Variants in EDEM3 observed in about 807,000 individuals in gnomAD.
The protein encoded by EDEM3 is ER degradation-enhancing alpha-mannosidase-like protein 3.
EDEM3 carries 60 observed loss-of-function variants against 110.2 expected under a neutral mutation model. The ratio of observed to expected loss-of-function variants is 0.54; its 90% CI spans 0.44 to 0.67. The LOEUF is 0.67. Among genes scored for constraint, EDEM3 ranks in the 30% least tolerant of loss-of-function variants. EDEM3 has a pLI of 0.00. For synonymous variants in EDEM3, 352 were observed against 382.9 expected (o/e 0.92, Z 0.94); for missense variants, 996 against 1,121.0 (o/e 0.89, Z 1.59).
chr1:184,746,434 A>C lies in EDEM3; in HGVS notation c.204+3113T>G, dbSNP rs551973230. On this transcript the variant is annotated intron_variant, in intron 2 of 19. Coordinates refer to ENST00000318130, the MANE Select transcript of EDEM3 (RefSeq NM_025191.4). ...GGCAATTTCAATTTAGGCAGGAAAT[A>C]AATAATAATGATAGTAGTAGTCGTT... 2.6e-5 allele frequency among the ~76,000 whole-genome samples: 4 copies of C among 152,236 alleles called. No homozygotes were observed. The South Asian group carries it at 8.3e-4, about 31-fold the overall frequency.
At chr1:184,726,498 A>C (rs1001187928) in intron 6 of EDEM3, 109 bp from the exon 7 acceptor site, 5 of 1,204,074 alleles carry the variant, frequency 4.2e-6, no homozygotes, top group Non-Finnish European at 5.7e-6. Context: ...ATAATTCATA[A>C]AATAACTAAA....
chr1:184,723,065 G>T (rs1430557179), intron 8 of EDEM3, among the ~76,000 whole-genome samples: 1 of 151,986 alleles, frequency 6.6e-6, no homozygotes, highest in Non-Finnish European at 1.5e-5. Context: ...ATAATTGCAT[G>T]GGAACATCTT....
At position 184,726,302 on chromosome 1, in the gene EDEM3, G is replaced by C. The variant is rs917945729; in HGVS notation, c.700C>G (p.Leu234Val). The change falls in exon 7 of 20, where the codon CTT becomes GTT. Residue 234 changes from leucine (L) to valine (V), a missense_variant. This residue lies in a region of EDEM3 where 310 missense variants were observed against 394.6 expected (regional missense o/e 0.79). Coordinates refer to ENST00000318130, the MANE Select transcript of EDEM3 (RefSeq NM_025191.4). ...AATCGACTTAAAGCAGCAAATTCAA[G>C]GATCAAGGTACCTGCACAAGCTGTA... is the stretch of plus-strand genomic sequence containing the variant. ...TCTACAGTLI[L>V]EFAALSRFTG... 2 of 1,613,724 alleles carry C rather than the reference G, an allele frequency of 1.2e-6. No individual in the cohort carries two copies. The highest frequency in any genetic ancestry group is 1.7e-6 in the Non-Finnish European group (2 of 1,179,824).
chr1:184,709,271 A>C (rs1204907569), intron 16 of EDEM3, among the ~76,000 whole-genome samples: 1 of 152,222 alleles, frequency 6.6e-6, no homozygotes, highest in Non-Finnish European at 1.5e-5. Context: ...TGAGAGGTAG[A>C]TGAAAGTTGA....
intron 1 of EDEM3, among the ~76,000 whole-genome samples, chr1:184,751,050 G>A (rs557929225): frequency 5.6e-5 from 8 of 143,254 alleles, no homozygotes; most frequent in African/African-American, 1.7e-4. Context: ...ACTTGTGAAC[G>A]AATTAAGTCC....
intron 18 of EDEM3, among the ~76,000 whole-genome samples, chr1:184,704,979 G>A (rs1649837510): frequency 6.6e-6 from 1 of 151,752 alleles, no homozygotes; most frequent in Non-Finnish European, 1.5e-5. Flanking sequence ...CTGAGGCAGG[G>A]AGAATTGCTT....
At chr1:184,719,091 T>C in intron 11 of EDEM3, 71 bp downstream of exon 11, 1 of 817,426 alleles carries the variant, frequency 1.2e-6, no homozygotes, top group South Asian at 2.4e-5. Context: ...CAACTTATAG[T>C]GTATATGTGT....
intron 11 of EDEM3, among the ~76,000 whole-genome samples, chr1:184,717,908 G>A (rs1650641884): frequency 6.6e-6 from 1 of 151,732 alleles, no homozygotes; most frequent in Non-Finnish European, 1.5e-5. Flanking sequence ...GGGTCCTGGT[G>A]GTAAACATAA....
chr1:184,706,536 A>G (rs1649936774), intron 18 of EDEM3, 107 bp downstream of exon 18: 3 of 1,117,438 alleles, frequency 2.7e-6, no homozygotes, highest in Non-Finnish European at 3.7e-6. Context: ...AGGTGAGGTA[A>G]AAAAAACTAT....
At chr1:184,708,946 A>G (rs1558046859) in intron 16 of EDEM3, among the ~76,000 whole-genome samples, 1 of 152,192 alleles carries the variant, frequency 6.6e-6, no homozygotes, top group Non-Finnish European at 1.5e-5. Flanking sequence ...TGACACTTGA[A>G]TTGAGTCTTA....
At chr1:184,712,853 T>C (rs1235216440) in intron 13 of EDEM3, among the ~76,000 whole-genome samples, 3 of 152,202 alleles carry the variant, frequency 2.0e-5, no homozygotes, top group Non-Finnish European at 2.9e-5. Flanking sequence ...AAGATTTTTC[T>C]ATAGGCCTTT....
In EDEM3 at chr1:184,732,913, A is replaced by G; in HGVS notation, c.536T>C (p.Leu179Pro). The G allele has an allele frequency of 6.2e-7, 1 of 1,614,132 alleles. No homozygotes were observed. Among genetic ancestry groups the G allele is most frequent in the South Asian group, 1.1e-5 (1 of 91,078 alleles). ...GEYMQWYNDE[L>P]LQMAKQLGYK... ...ACCTAACTGCTTTGCCATTTGGAGA[A>G]GTTCATCATTGTACCACTGCATATA... Residue 179 changes from leucine (L) to proline (P), a missense_variant, in exon 6 of 20, where the codon CTT becomes CCT. By Grantham distance (98) the Leu-to-Pro change is moderately conservative. Around this residue, in one of 5 missense-constraint regions of EDEM3, gnomAD observed 310 missense variants for 394.6 expected, o/e 0.79. Coordinates refer to ENST00000318130, the MANE Select transcript of EDEM3 (RefSeq NM_025191.4).
rs765313414 is a variant in EDEM3 at position 184,721,398 on chromosome 1, C to T, written c.854-12G>A. ...TCCAACTCCACTATCTATGGAAACACAAATGTGATTTTTCATTAAATTTTT... is the reference window on the plus strand; with the variant it reads ...TCCAACTCCACTATCTATGGAAACATAAATGTGATTTTTCATTAAATTTTT... On this transcript the variant is annotated splice_polypyrimidine_tract_variant and intron_variant, in intron 8 of 19. Coordinates refer to ENST00000318130, the MANE Select transcript of EDEM3 (RefSeq NM_025191.4). 6.4e-6 allele frequency: 10 copies of T among 1,563,736 alleles called. No homozygotes were observed. The highest frequency in any genetic ancestry group is 1.7e-4 in the Middle Eastern group (1 of 5,840).
chr1:184,706,666 C>G lies in EDEM3; in HGVS notation c.2180G>C (p.Gly727Ala). 7 of 1,612,832 alleles carry G rather than the reference C, an allele frequency of 4.3e-6. No individual in the cohort carries two copies. Among genetic ancestry groups the G allele is most frequent in the Non-Finnish European group, 5.9e-6 (7 of 1,179,192 alleles). The change falls in exon 18 of 20, where the codon GGA (glycine) becomes GCA (alanine). Residue 727 changes from glycine (G) to alanine (A), a missense_variant. Coordinates refer to ENST00000318130, the MANE Select transcript of EDEM3 (RefSeq NM_025191.4). ...AEKARNIQNA[G>A]AIGGIVIDDN... ...ACCAATAACAATGCCACCAATGGCTCCAGCATTCTGGATGTTGCGTGCCTT... is the reference window on the plus strand; with the variant it reads ...ACCAATAACAATGCCACCAATGGCTGCAGCATTCTGGATGTTGCGTGCCTT...
At position 184,706,752 on chromosome 1, in the gene EDEM3, G is replaced by A. The variant is rs1475971145; in HGVS notation, c.2094C>T (p.Asn698=). Residue 698 remains asparagine (N), a synonymous_variant, in exon 18 of 20, where the codon AAC becomes AAT. Coordinates refer to ENST00000318130, the MANE Select transcript of EDEM3 (RefSeq NM_025191.4). ...CGATTTTTCCCATCACTGCCTCTGG[G>A]TTAGTAAGCTCTGAACAACCATTGG... is the stretch of plus-strand genomic sequence containing the variant. ...KPSNGCSELT[N]PEAVMGKIAL... 3.1e-6 allele frequency: 5 copies of A among 1,613,856 alleles called. No homozygotes were observed. Among genetic ancestry groups the A allele is most frequent in the Middle Eastern group, 1.7e-4 (1 of 6,060 alleles).
chr1:184,736,584 A>G (rs1651836322), intron 4 of EDEM3, among the ~76,000 whole-genome samples: 1 of 152,184 alleles, frequency 6.6e-6, no homozygotes, highest in African/African-American at 2.4e-5. Context: ...AGTACCAAGA[A>G]GTGATCACCT....
At chr1:184,722,933 ACATGTTCCTTCC>A (rs1650982011) in intron 8 of EDEM3, among the ~76,000 whole-genome samples, 1 of 151,982 alleles carries the variant, frequency 6.6e-6, no homozygotes, top group African/African-American at 2.4e-5. Context: ...TAACATTGTT[ACATGTTCCTTCC>A]CATGCTCCTG....
Position 184,694,307 on chromosome 1 carries a change from A to AT in EDEM3, c.2554dup (p.Met852AsnfsTer11), listed in dbSNP as rs745618578. On this transcript the variant is annotated frameshift_variant, in exon 20 of 20. Coordinates refer to ENST00000318130, the MANE Select transcript of EDEM3 (RefSeq NM_025191.4). LOFTEE classifies it high-confidence loss of function. ...AGGGGAAATGCTTGCAGCATTGTCC[A>AT]TATCTGCTAGAGATAATGATTCTGG... The AT allele has an allele frequency of 2.5e-6, 4 of 1,613,172 alleles. No individual in the cohort carries two copies. The highest frequency in any genetic ancestry group is 3.4e-6 in the Non-Finnish European group (4 of 1,179,604).
At chr1:184,749,698 A>G in intron 1 of EDEM3, 106 bp from the exon 2 acceptor site, 2 of 956,484 alleles carry the variant, frequency 2.1e-6, no homozygotes, top group Non-Finnish European at 3.0e-6. Context: ...ATATACCAAT[A>G]AAAACAAAAG....
Sources: allele counts gnomAD v4.1 joint callset (sites outside exome capture counted in the v4.1 genomes callset), GRCh38; gene constraint gnomAD v4.1.1; regional missense constraint gnomAD v4.1.1; transcripts MANE v1.5; gene names NCBI Gene and HGNC (gene_info 2026-07-23, HGNC 2026-07-21).